Variants in FRMD4B observed in about 807,000 individuals in gnomAD.
The protein encoded by FRMD4B is FERM domain-containing protein 4B.
A neutral mutation model predicts 141.5 loss-of-function variants in FRMD4B; 74 were observed. The observed-to-expected ratio is 0.52, with a 90% CI of 0.43 to 0.63. The LOEUF is 0.63. FRMD4B is among the 30% of genes least tolerant of loss of function. The probability of loss-of-function intolerance (pLI) is 0.00; values close to 1 mark genes in which losing one functional copy is unlikely to be tolerated. For synonymous variants in FRMD4B, 506 were observed against 467.9 expected (o/e 1.08, Z -1.05); for missense variants, 1,366 against 1,253.4 (o/e 1.09, Z -1.36).
Position 69,213,108 on chromosome 3 carries a change from T to C in FRMD4B, c.876+3155A>G, listed in dbSNP as rs186256913. ...GAAGCACTAGGCAGCTTTAAAAAAG[T>C]GAAAAGAAATCGGTTTATAAGTGAG... is the stretch of plus-strand genomic sequence containing the variant. On this transcript the variant is annotated intron_variant, in intron 11 of 22. Coordinates refer to ENST00000398540, the MANE Select transcript of FRMD4B (RefSeq NM_015123.3). 1.6e-3 allele frequency among the ~76,000 whole-genome samples: 249 copies of C among 152,212 alleles called. 1 individual carries two copies. The highest frequency in any genetic ancestry group is 2.4e-3 in the Non-Finnish European group (163 of 68,004).
intron 9 of FRMD4B, among the ~76,000 whole-genome samples, chr3:69,221,409 A>G (rs2093193604): frequency 6.6e-6 from 1 of 152,356 alleles, no homozygotes; most frequent in South Asian, 2.1e-4. Context: ...CTGGGGGACA[A>G]AACATGGCTT....
chr3:69,236,813 T>G (rs1325153701), intron 7 of FRMD4B, among the ~76,000 whole-genome samples: 1 of 152,134 alleles, frequency 6.6e-6, no homozygotes, highest in Non-Finnish European at 1.5e-5. Context: ...AGCTGACACT[T>G]TCATTCACAG....
intron 1 of FRMD4B, chr3:69,536,239 C>T: frequency 1.6e-6 from 1 of 606,134 alleles, no homozygotes; most frequent in Admixed American, 2.7e-5. Context: ...TGGCGTCCTT[C>T]CCCTTGGCCT....
At chr3:69,439,051 G>A (rs183029592) in intron 1 of FRMD4B, among the ~76,000 whole-genome samples, 3 of 64,452 alleles carry the variant, frequency 4.7e-5, no homozygotes, top group East Asian at 6.6e-4. Context: ...GTTCGTGTGC[G>A]TGTGTGTGTA....
intron 1 of FRMD4B, among the ~76,000 whole-genome samples, chr3:69,455,875 C>G (rs776381759): frequency 6.6e-5 from 10 of 152,192 alleles, no homozygotes; most frequent in Non-Finnish European, 1.3e-4. Flanking sequence ...CTTGAGACTT[C>G]TACTCTAGGT....
chr3:69,450,716 T>C (rs1705483470), intron 1 of FRMD4B, among the ~76,000 whole-genome samples: 1 of 151,470 alleles, frequency 6.6e-6, no homozygotes, highest in South Asian at 2.1e-4. Context: ...ATTGTGCCAT[T>C]GCACTCCAGC....
At chr3:69,301,692 A>G (rs1402695293) in intron 4 of FRMD4B, among the ~76,000 whole-genome samples, 3 of 152,332 alleles carry the variant, frequency 2.0e-5, no homozygotes, top group Middle Eastern at 3.4e-3. Context: ...TAGTTCTATC[A>G]TGAGATGGAT....
chr3:69,462,499 C>T (rs1195367215), intron 1 of FRMD4B, among the ~76,000 whole-genome samples: 1 of 152,230 alleles, frequency 6.6e-6, no homozygotes, highest in East Asian at 1.9e-4. Flanking sequence ...GGGCCACTAA[C>T]AGCACAGCTA....
At chr3:69,417,900 G>A (rs989486961) in intron 2 of FRMD4B, among the ~76,000 whole-genome samples, 1 of 152,114 alleles carries the variant, frequency 6.6e-6, no homozygotes, top group African/African-American at 2.4e-5. Context: ...AGTATTGCTT[G>A]ACTTGTGGCC....
At position 69,197,512 on chromosome 3, in the gene FRMD4B, G is replaced by A. The variant is rs112343094; in HGVS notation, c.954-474C>T. Among the ~76,000 whole-genome samples the A allele has an allele frequency of 2.1e-3, 306 of 148,044 alleles. 2 individuals carry two copies. Among genetic ancestry groups the A allele is most frequent in the African/African-American group, 7.1e-3 (290 of 40,858 alleles). On this transcript the variant is annotated intron_variant, in intron 12 of 22. Coordinates refer to ENST00000398540, the MANE Select transcript of FRMD4B (RefSeq NM_015123.3). ...ACTTAACGATAATGGCTGAAAATATGCAAGTCCAAAACTGTCCAGAGTGCT... is the reference window on the plus strand; with the variant it reads ...ACTTAACGATAATGGCTGAAAATATACAAGTCCAAAACTGTCCAGAGTGCT...
At chr3:69,298,169 G>A (rs529799756) in intron 4 of FRMD4B, among the ~76,000 whole-genome samples, 30 of 152,328 alleles carry the variant, frequency 2.0e-4, no homozygotes, top group Admixed American at 2.0e-3. Flanking sequence ...CTACATTTCA[G>A]TAGAGAGAAA....
At chr3:69,368,804 C>T (rs1294194513) in intron 1 of FRMD4B, among the ~76,000 whole-genome samples, 1 of 152,150 alleles carries the variant, frequency 6.6e-6, no homozygotes, top group East Asian at 1.9e-4. Flanking sequence ...ACTACAGGTA[C>T]ACACCACCAT....
intron 3 of FRMD4B, among the ~76,000 whole-genome samples, chr3:69,305,148 T>C (rs1441143822): frequency 6.6e-6 from 1 of 152,170 alleles, no homozygotes; most frequent in African/African-American, 2.4e-5. Flanking sequence ...CCCTACCCAG[T>C]GGACTTGTAT....
chr3:69,260,822 G>T (rs1226604019), intron 5 of FRMD4B, among the ~76,000 whole-genome samples: 1 of 152,212 alleles, frequency 6.6e-6, no homozygotes, highest in African/African-American at 2.4e-5. Context: ...ACCAGTCAGT[G>T]CTCTGTGTCT....
In FRMD4B at chr3:69,313,726, T is replaced by C. The variant is rs564166655; in HGVS notation, c.163-209A>G. 2.2e-3 allele frequency among the ~76,000 whole-genome samples: 331 copies of C among 152,244 alleles called. 4 individuals are homozygous for C. The highest frequency in any genetic ancestry group is 7.6e-3 in the African/African-American group (316 of 41,526). On this transcript the variant is annotated intron_variant, in intron 1 of 22. Coordinates refer to ENST00000398540, the MANE Select transcript of FRMD4B (RefSeq NM_015123.3). ...CAAAGAGCACAGGCTAGTCAATATA[T>C]TGCAAAAATAATGTCCATACAGTCC... is the stretch of plus-strand genomic sequence containing the variant.
rs374746602 is a variant in FRMD4B at position 69,347,551 on chromosome 3, A to C, written c.163-34034T>G. Among the ~76,000 whole-genome samples the C allele has an allele frequency of 2.6e-5, 4 of 152,362 alleles. No individual in the cohort carries two copies. In the South Asian group the frequency reaches 8.3e-4, roughly 32 times the overall value. ...TACATTCTTCTCAGCACCACATTGC[A>C]CTTATTCCAAAATTGACCACATAGT... On this transcript the variant is annotated intron_variant, in intron 1 of 22. Coordinates refer to ENST00000398540, the MANE Select transcript of FRMD4B (RefSeq NM_015123.3).
At chr3:69,310,857 T>C (rs1451836048) in intron 3 of FRMD4B, among the ~76,000 whole-genome samples, 1 of 152,196 alleles carries the variant, frequency 6.6e-6, no homozygotes, top group Non-Finnish European at 1.5e-5. Flanking sequence ...TGTTTTTTAG[T>C]GGGCCACAAA....
chr3:69,245,345 G>GTTT lies in FRMD4B; in HGVS notation c.581+3880_581+3881insAAA, dbSNP rs1363513277. ...TGTGTGTGTGTGTGTGTGTGTGTGT[G>GTTT]TGTGTGTGTTTTTAGACAGAGTCTT... is the stretch of plus-strand genomic sequence containing the variant. On this transcript the variant is annotated intron_variant, in intron 7 of 22. Transcript: ENST00000398540. Among the ~76,000 whole-genome samples, 324 of 150,848 alleles carry GTTT rather than the reference G, an allele frequency of 2.1e-3. 3 individuals carry two copies. The highest frequency in any genetic ancestry group is 7.6e-3 in the African/African-American group (306 of 40,436).
intron 4 of FRMD4B, chr3:69,293,134 C>T (rs187330030): frequency 1.1e-3 from 377 of 337,210 alleles, no homozygotes; most frequent in African/African-American, 7.7e-3. Flanking sequence ...ATGACAAAGA[C>T]GGCTGGAAGG....
Sources: gnomAD v4.1 joint callset for allele counts (sites outside exome capture counted in the v4.1 genomes callset) on GRCh38, gnomAD v4.1.1 for gene constraint, MANE v1.5 for transcripts, NCBI Gene and HGNC (gene_info 2026-07-23, HGNC 2026-07-21) for gene names.